DRC8: variants seen among roughly 807,000 people sequenced by gnomAD.
DRC8 encodes the protein dynein regulatory complex subunit 8.
the DRC8 span, among the ~76,000 whole-genome samples, chr1:244,980,642 G>A: frequency 1.3e-5 from 2 of 152,186 alleles, no homozygotes; most frequent in Admixed American, 6.5e-5. Flanking sequence ...TTCTGATTGG[G>A]TAACAAAGAA....
the DRC8 span, among the ~76,000 whole-genome samples, chr1:245,108,046 T>C: frequency 6.6e-6 from 1 of 152,164 alleles, no homozygotes; most frequent in Non-Finnish European, 1.5e-5. Context: ...CCTGTGCTTA[T>C]CGCTTTCAGA....
the DRC8 span, among the ~76,000 whole-genome samples, chr1:245,015,965 C>CTTTT: frequency 4.5e-3 from 260 of 57,196 alleles, 9 homozygotes; most frequent in Middle Eastern, 0.015. Context: ...GCCTACAGGG[C>CTTTT]TTTTTTTTTT....
chr1:245,047,807 A>G, the DRC8 span, among the ~76,000 whole-genome samples: 1 of 151,892 alleles, frequency 6.6e-6, no homozygotes, highest in African/African-American at 2.4e-5. Context: ...CCTCGTCTCT[A>G]CTAAAAATAA....
chr1:244,995,390 C>T, the DRC8 span, among the ~76,000 whole-genome samples: 3 of 152,042 alleles, frequency 2.0e-5, no homozygotes, highest in Non-Finnish European at 4.4e-5. Flanking sequence ...CAGGTTCTCA[C>T]TCTATCCCCC....
chr1:245,079,907 A>AT, the DRC8 span, among the ~76,000 whole-genome samples: 1 of 152,194 alleles, frequency 6.6e-6, no homozygotes, highest in East Asian at 1.9e-4. Flanking sequence ...CCATATGAAC[A>AT]TTCACCTGCA....
chr1:245,039,488 A>AAGGG, the DRC8 span, among the ~76,000 whole-genome samples: 9 of 147,670 alleles, frequency 6.1e-5, no homozygotes, highest in Non-Finnish European at 9.0e-5. Context: ...AAAAAAAAAA[A>AAGGG]AGAGTTTGTG....
At chr1:244,973,306 T>C in the DRC8 span, among the ~76,000 whole-genome samples, 2 of 152,198 alleles carry the variant, frequency 1.3e-5, no homozygotes, top group African/African-American at 4.8e-5. Flanking sequence ...TTGATGACCG[T>C]GGAATCACAC....
the DRC8 span, among the ~76,000 whole-genome samples, chr1:245,031,458 C>T: frequency 1.3e-5 from 2 of 151,888 alleles, no homozygotes; most frequent in African/African-American, 4.8e-5. Context: ...GTGCTTTTCC[C>T]TTTACAGCTT....
chr1:245,122,214 T>C, the DRC8 span: 1 of 212,556 alleles, frequency 4.7e-6, no homozygotes, highest in Admixed American at 5.4e-5. Context: ...CTTCCTTAAC[T>C]CTTGATCTCC....
At chr1:245,037,089 G>A in the DRC8 span, among the ~76,000 whole-genome samples, 1 of 152,206 alleles carries the variant, frequency 6.6e-6, no homozygotes, top group Non-Finnish European at 1.5e-5. Context: ...AATCCAGATA[G>A]TTTCACAGGA....
chr1:245,002,168 C>T, the DRC8 span: 5 of 1,610,040 alleles, frequency 3.1e-6, no homozygotes, highest in African/African-American at 1.3e-5. Context: ...CTTTACTGAT[C>T]GAACATCTAA....
the DRC8 span, among the ~76,000 whole-genome samples, chr1:245,005,496 G>T: frequency 2.0e-5 from 3 of 151,660 alleles, no homozygotes; most frequent in South Asian, 2.1e-4. Context: ...GATTACAGGC[G>T]CACACCACCA....
chr1:244,977,704 C>T, the DRC8 span, among the ~76,000 whole-genome samples: 1 of 152,070 alleles, frequency 6.6e-6, no homozygotes, highest in African/African-American at 2.4e-5. Flanking sequence ...GTGATGTCCA[C>T]ATGCTTTGAG....
chr1:245,044,093 G>GT, the DRC8 span: 1 of 152,044 alleles, frequency 6.6e-6, no homozygotes, highest in Non-Finnish European at 1.5e-5. Context: ...AAAAAGAAAG[G>GT]TAATTGTAAT....
At chr1:245,085,675 T>C in the DRC8 span, among the ~76,000 whole-genome samples, 1 of 152,204 alleles carries the variant, frequency 6.6e-6, no homozygotes, top group East Asian at 1.9e-4. Context: ...TTTGAGCAGA[T>C]GACTCACATG....
the DRC8 span, among the ~76,000 whole-genome samples, chr1:245,016,276 T>C: frequency 6.6e-6 from 1 of 152,184 alleles, no homozygotes; most frequent in South Asian, 2.1e-4. Context: ...CCACCGCACC[T>C]AGCCAAGGCC....
At chr1:245,094,015 A>G in the DRC8 span, among the ~76,000 whole-genome samples, 1 of 152,200 alleles carries the variant, frequency 6.6e-6, no homozygotes, top group African/African-American at 2.4e-5. Flanking sequence ...AAACATGTCA[A>G]GATGTGTTTC....
At chr1:245,121,471 CAG>C in the DRC8 span, among the ~76,000 whole-genome samples, 1 of 152,330 alleles carries the variant, frequency 6.6e-6, no homozygotes, top group African/African-American at 2.4e-5. Flanking sequence ...CTCAAGATGG[CAG>C]AGACAGCCCA....
chr1:245,059,371 C>CTT, the DRC8 span: 34 of 1,450,378 alleles, frequency 2.3e-5, no homozygotes, highest in Non-Finnish European at 2.6e-5. Context: ...CCATTGAAAA[C>CTT]TTTTTTTTTT....
Sources: allele counts gnomAD v4.1 joint callset (sites outside exome capture counted in the v4.1 genomes callset), GRCh38; gene constraint gnomAD v4.1.1; transcripts MANE v1.5; gene names NCBI Gene and HGNC (gene_info 2026-07-23, HGNC 2026-07-21).